Variants in MAN2B2 observed in about 807,000 individuals in gnomAD.
The protein encoded by MAN2B2 is epididymis-specific alpha-mannosidase.
In MAN2B2, 106 loss-of-function variants were observed where a neutral mutation model predicts 117.1. The observed-to-expected ratio is 0.90, with a 90% CI of 0.77 to 1.06. The LOEUF (loss-of-function observed/expected upper bound fraction) is 1.06, where lower values mean the gene tolerates loss of function less well. Among genes scored for constraint, MAN2B2 ranks in the 50% least tolerant of loss-of-function variants. The probability of loss-of-function intolerance (pLI) is 0.00; values close to 1 mark genes in which losing one functional copy is unlikely to be tolerated. For missense variants in MAN2B2, 1,326 were observed against 1,381.4 expected, an observed-to-expected ratio of 0.96 and a Z score of 0.64; for synonymous variants, 544 against 595.1, an observed-to-expected ratio of 0.91 and a Z score of 1.25.
rs776314741 is a variant in MAN2B2 at position 6,617,419 on chromosome 4, T to G, written c.2741T>G (p.Leu914Arg). Residue 914 changes from leucine (L) to arginine (R), a missense_variant, in exon 17 of 19, where the codon CTG (leucine) becomes CGG (arginine). Physicochemically the swap from Leu to Arg is moderately radical, Grantham distance 102. Coordinates refer to ENST00000285599, the MANE Select transcript of MAN2B2 (RefSeq NM_015274.3). ...GEAQADLRRVLLRLYHLYEVG... is the reference protein window; with the variant it reads ...GEAQADLRRVRLRLYHLYEVG... ...GCCCAGGCTGACCTCCGCCGTGTCCTGCTGCGGCTCTACCACCTATATGAA... is the reference window on the plus strand; with the variant it reads ...GCCCAGGCTGACCTCCGCCGTGTCCGGCTGCGGCTCTACCACCTATATGAA... The G allele has an allele frequency of 1.2e-6, 2 of 1,614,180 alleles. No individual in the cohort carries two copies. The highest frequency in any genetic ancestry group is 1.7e-6 in the Non-Finnish European group (2 of 1,180,016).
intron 2 of MAN2B2, among the ~76,000 whole-genome samples, chr4:6,577,822 G>A (rs1347917508): frequency 6.6e-6 from 1 of 152,256 alleles, no homozygotes; most frequent in African/African-American, 2.4e-5. Flanking sequence ...CCTGGAGGCA[G>A]GAATTGTTGC....
intron 5 of MAN2B2, among the ~76,000 whole-genome samples, chr4:6,589,605 C>G (rs1412877324): frequency 6.6e-6 from 1 of 152,086 alleles, no homozygotes; most frequent in Non-Finnish European, 1.5e-5. Flanking sequence ...GCCTCCCCAG[C>G]AGAGTGGGTG....
chr4:6,611,071 A>G lies in MAN2B2; in HGVS notation c.2371-15A>G, dbSNP rs1021503418. 6.2e-7 allele frequency: 1 copy of G among 1,612,148 alleles called. No homozygotes were observed. Among genetic ancestry groups the G allele is most frequent in the Non-Finnish European group, 8.5e-7 (1 of 1,178,504 alleles). ...CAGGTGCAAGCCGGGCCTCTCGGAC[A>G]ATGCCTTCCCGCAGGTCATGCTCCA... is the stretch of plus-strand genomic sequence containing the variant. On this transcript the variant is annotated splice_polypyrimidine_tract_variant and intron_variant, in intron 14 of 18. Coordinates refer to ENST00000285599, the MANE Select transcript of MAN2B2 (RefSeq NM_015274.3).
At chr4:6,592,579 G>A (rs1726900385) in intron 5 of MAN2B2, among the ~76,000 whole-genome samples, 1 of 152,202 alleles carries the variant, frequency 6.6e-6, no homozygotes, top group Non-Finnish European at 1.5e-5. Context: ...ACTCCAGCCT[G>A]ATCAACAGAG....
rs755126148 is a variant in MAN2B2, at chr4:6,597,143, C to T, written c.1088C>T (p.Thr363Met). 5.6e-6 allele frequency: 9 copies of T among 1,613,262 alleles called. No homozygotes were observed. Among genetic ancestry groups the T allele is most frequent in the African/African-American group, 2.7e-5 (2 of 74,932 alleles). ...EPFQAWTGFY[T>M]SRSSLKGLAR... ...TTCCAGGCCTGGACGGGCTTCTACA[C>T]GTCCCGCAGCTCACTGAAGGGGCTG... Residue 363 changes from threonine to methionine, a missense_variant, in exon 8 of 19, where the codon ACG (threonine) becomes ATG (methionine). Physicochemically the swap from Thr to Met is moderately conservative, Grantham distance 81. Transcript: ENST00000285599.
chr4:6,614,942 G>A (rs375007378), intron 16 of MAN2B2, among the ~76,000 whole-genome samples: 26 of 152,344 alleles, frequency 1.7e-4, no homozygotes, highest in African/African-American at 4.6e-4. Context: ...GGGGCTCCCC[G>A]AGGAGGCGAC....
At chr4:6,593,633 T>TA (rs1268600089) in intron 6 of MAN2B2, among the ~76,000 whole-genome samples, 9 of 152,270 alleles carry the variant, frequency 5.9e-5, no homozygotes, top group South Asian at 4.1e-4. Context: ...CTGCGTGCCT[T>TA]AGAGTCCATT....
intron 11 of MAN2B2, among the ~76,000 whole-genome samples, chr4:6,608,344 C>T (rs979864931): frequency 1.3e-5 from 2 of 152,230 alleles, no homozygotes; most frequent in African/African-American, 2.4e-5. Flanking sequence ...TCACCACAAT[C>T]CCACAGAGAA....
intron 16 of MAN2B2, among the ~76,000 whole-genome samples, chr4:6,616,073 C>T (rs535757722): frequency 3.2e-4 from 48 of 152,178 alleles, no homozygotes; most frequent in African/African-American, 1.0e-3. Context: ...CAAAGTGCTG[C>T]GATTACAGGT....
chr4:6,601,549 G>A (rs1315496120), intron 10 of MAN2B2, among the ~76,000 whole-genome samples: 1 of 141,314 alleles, frequency 7.1e-6, no homozygotes, highest in East Asian at 2.4e-4. Flanking sequence ...GCTGCAGGGA[G>A]CACTGGTGAG....
Position 6,623,118 on chromosome 4 carries a change from G to C in MAN2B2, c.*1833G>C, listed in dbSNP as rs1479610533. 6.6e-6 allele frequency: 1 copy of C among 151,848 alleles called. No homozygotes were observed. The highest frequency in any genetic ancestry group is 2.4e-5 in the African/African-American group (1 of 41,004). 9.4% of individuals were successfully genotyped at this position (151,848 alleles called of 1,614,324 possible). ...TGCCTTAATCCCAGCACTTTGGGAG[G>C]CCAAAGCAACCGGATCACTGGTGGT... is the stretch of plus-strand genomic sequence containing the variant. On this transcript the variant is annotated 3_prime_UTR_variant, in exon 19 of 19. Coordinates refer to ENST00000285599, the MANE Select transcript of MAN2B2 (RefSeq NM_015274.3).
At chr4:6,614,144 G>T in intron 15 of MAN2B2, 74 bp from the exon 16 acceptor site, 3 of 1,561,916 alleles carry the variant, frequency 1.9e-6, no homozygotes, top group South Asian at 1.2e-5. Flanking sequence ...GGCATGTAAT[G>T]TGCAGAGCTC....
intron 9 of MAN2B2, 56 bp downstream of exon 9, chr4:6,598,410 A>G: frequency 1.3e-6 from 2 of 1,555,150 alleles, no homozygotes; most frequent in South Asian, 2.3e-5. Flanking sequence ...GAGCCTGAGG[A>G]GGTCAGGGGA....
intron 5 of MAN2B2, among the ~76,000 whole-genome samples, chr4:6,590,279 G>A (rs1456031109): frequency 6.6e-6 from 1 of 151,816 alleles, no homozygotes; most frequent in Non-Finnish European, 1.5e-5. Context: ...CAACTACTTG[G>A]GAGGCTGAGG....
At chr4:6,588,410 C>T (rs1180681309) in intron 4 of MAN2B2, among the ~76,000 whole-genome samples, 1 of 152,194 alleles carries the variant, frequency 6.6e-6, no homozygotes, top group East Asian at 1.9e-4. Context: ...CTCATTTTAA[C>T]TTGATTACTT....
At position 6,610,997 on chromosome 4, in the gene MAN2B2, G is replaced by A. The variant is rs777404086; in HGVS notation, c.2370+7G>A. 5.0e-6 allele frequency: 8 copies of A among 1,614,006 alleles called. No homozygotes were observed. The highest frequency in any genetic ancestry group is 1.1e-5 in the South Asian group (1 of 91,090). ...AGGGAATGGGCAGGTGGAGGTAGGA[G>A]GCACGGTCTGTCCTACAGCAGCCCC... On this transcript the variant is annotated splice_region_variant and intron_variant, in intron 14 of 18. Transcript: ENST00000285599.
chr4:6,614,445 T>C, intron 16 of MAN2B2, 90 bp downstream of exon 16: 1 of 1,481,564 alleles, frequency 6.7e-7, no homozygotes, highest in Middle Eastern at 2.4e-4. Flanking sequence ...GGGCTCACCT[T>C]AGAGCTATCA....
At chr4:6,613,120 G>A (rs1172079617) in intron 15 of MAN2B2, among the ~76,000 whole-genome samples, 1 of 152,218 alleles carries the variant, frequency 6.6e-6, no homozygotes, top group African/African-American at 2.4e-5. Flanking sequence ...TGGTCCTACT[G>A]GGGTCAGGTG....
intron 10 of MAN2B2, among the ~76,000 whole-genome samples, chr4:6,601,365 C>T (rs915298305): frequency 5.3e-5 from 8 of 152,168 alleles, no homozygotes; most frequent in Admixed American, 1.3e-4. Context: ...ATTAGCCAGG[C>T]GTGGTAGCAT....
Sources: gnomAD v4.1 joint callset for allele counts (sites outside exome capture counted in the v4.1 genomes callset) on GRCh38, gnomAD v4.1.1 for gene constraint, MANE v1.5 for transcripts, NCBI Gene and HGNC (gene_info 2026-07-23, HGNC 2026-07-21) for gene names.